The following MAPRE2 variants were observed in gnomAD, a reference collection of about 807,000 sequenced individuals.
The protein encoded by MAPRE2 is microtubule-associated protein RP/EB family member 2.
MAPRE2 carries 13 observed loss-of-function variants against 43.2 expected under a neutral mutation model. The observed-to-expected ratio is 0.30, with a 90% CI of 0.20 to 0.48. The LOEUF (loss-of-function observed/expected upper bound fraction) is 0.48, where lower values mean the gene tolerates loss of function less well. MAPRE2 is among the 20% of genes least tolerant of loss of function. The probability of loss-of-function intolerance (pLI) is 0.99; values close to 1 mark genes in which losing one functional copy is unlikely to be tolerated. For synonymous variants in MAPRE2, 135 were observed against 148.8 expected (o/e 0.91, Z 0.68); for missense variants, 161 against 400.2 (o/e 0.40, Z 5.10).
At chr18:35,055,284 G>A (rs181548918) in intron 1 of MAPRE2, among the ~76,000 whole-genome samples, 1 of 152,042 alleles carries the variant, frequency 6.6e-6, no homozygotes, top group Non-Finnish European at 1.5e-5. Context: ...GTCTCTTCCC[G>A]CTTCTTTTGG....
At chr18:35,051,993 C>T (rs577067579) in intron 1 of MAPRE2, among the ~76,000 whole-genome samples, 1 of 152,256 alleles carries the variant, frequency 6.6e-6, no homozygotes, top group South Asian at 2.1e-4. Context: ...CAATACTTTG[C>T]ACATAGCAGA....
At chr18:35,031,051 C>T (rs1441673360) in intron 2 of MAPRE2, among the ~76,000 whole-genome samples, 2 of 152,162 alleles carry the variant, frequency 1.3e-5, no homozygotes, top group Non-Finnish European at 2.9e-5. Flanking sequence ...ATTACAACAC[C>T]CTTCCTCTGC....
rs562039880 is a variant in MAPRE2 at position 35,126,972 on chromosome 18, C to G, written c.635C>G (p.Ala212Gly). 2 of 1,614,084 alleles carry G rather than the reference C, an allele frequency of 1.2e-6. No homozygotes were observed. Among genetic ancestry groups the G allele is most frequent in the Non-Finnish European group, 8.5e-7 (1 of 1,179,986 alleles). Residue 212 changes from alanine (A) to glycine (G), a missense_variant, in exon 5 of 7, where the codon GCT becomes GGT. By Grantham distance (60) the Ala-to-Gly change is moderately conservative. Around this residue, in one of 2 missense-constraint regions of MAPRE2, gnomAD observed 96 missense variants for 153.3 expected, o/e 0.63. Transcript: ENST00000300249. ...GGTGCAGCTAAATCAAGTCCAGCAGCTAAACCAGGATCCACACCTTCTCGA... is the reference window on the plus strand; with the variant it reads ...GGTGCAGCTAAATCAAGTCCAGCAGGTAAACCAGGATCCACACCTTCTCGA... The part of the protein sequence containing the change: ...TAGAAKSSPA[A>G]KPGSTPSRPS...
chr18:35,115,067 C>T (rs1373691271), intron 4 of MAPRE2, among the ~76,000 whole-genome samples: 2 of 152,150 alleles, frequency 1.3e-5, no homozygotes, highest in East Asian at 3.8e-4. Context: ...ACAGCTTTGA[C>T]TTGTAGAATT....
intron 2 of MAPRE2, among the ~76,000 whole-genome samples, chr18:35,010,087 T>G (rs1027744281): frequency 6.6e-6 from 1 of 152,206 alleles, no homozygotes; most frequent in Non-Finnish European, 1.5e-5. Context: ...AATTTACAAT[T>G]TTTAATTAAA....
At chr18:35,076,640 G>T (rs1308564063) in intron 2 of MAPRE2, among the ~76,000 whole-genome samples, 1 of 152,122 alleles carries the variant, frequency 6.6e-6, no homozygotes, top group African/African-American at 2.4e-5. Context: ...TGCTTTAGTG[G>T]GTACAGCCCT....
chr18:35,096,987 A>G (rs1167713245), intron 2 of MAPRE2, among the ~76,000 whole-genome samples: 1 of 152,212 alleles, frequency 6.6e-6, no homozygotes, highest in African/African-American at 2.4e-5. Flanking sequence ...TGAGCTACAC[A>G]TTTCATGAGA....
Position 35,122,989 on chromosome 18 carries a change from G to C in MAPRE2, c.611-3959G>C, listed in dbSNP as rs375759560. On this transcript the variant is annotated intron_variant, in intron 4 of 6. Transcript: ENST00000300249. The stretch of plus-strand genomic sequence containing the variant: ...CCAAGTGGCTGTGTGTGGCTAGAAG[G>C]GGGAGAGCATCAGTAACTGCAGCAG... Among the ~76,000 whole-genome samples the C allele has an allele frequency of 6.6e-5, 10 of 152,350 alleles. No homozygotes were observed. The East Asian group carries it at 1.7e-3, about 26-fold the overall frequency.
chr18:35,014,439 T>C (rs2097036867), intron 2 of MAPRE2, among the ~76,000 whole-genome samples: 1 of 151,484 alleles, frequency 6.6e-6, no homozygotes, highest in Non-Finnish European at 1.5e-5. Flanking sequence ...ATAAGGCATA[T>C]ATACCTGGCA....
At chr18:35,023,328 C>G (rs1229562259) in intron 2 of MAPRE2, among the ~76,000 whole-genome samples, 1 of 151,766 alleles carries the variant, frequency 6.6e-6, no homozygotes, top group East Asian at 1.9e-4. Flanking sequence ...CTGGTGAACA[C>G]TGTGAAACCC....
chr18:35,122,168 A>AT (rs1457606114), intron 4 of MAPRE2, among the ~76,000 whole-genome samples: 1 of 152,224 alleles, frequency 6.6e-6, no homozygotes, highest in Non-Finnish European at 1.5e-5. Flanking sequence ...AAAAGGTTTC[A>AT]TTTTTATTTT....
At chr18:35,000,795 G>A (rs918693120) in intron 1 of MAPRE2, among the ~76,000 whole-genome samples, 3 of 152,162 alleles carry the variant, frequency 2.0e-5, no homozygotes, top group Non-Finnish European at 2.9e-5. Context: ...ATAAAAGTCA[G>A]TATGATCTTT....
chr18:35,102,995 G>A (rs1189073190), intron 4 of MAPRE2, among the ~76,000 whole-genome samples: 1 of 152,134 alleles, frequency 6.6e-6, no homozygotes, highest in East Asian at 1.9e-4. Flanking sequence ...ACTACAATCT[G>A]AATGAAGTAG....
intron 1 of MAPRE2, among the ~76,000 whole-genome samples, chr18:34,980,777 A>G (rs1336108338): frequency 6.6e-6 from 1 of 152,064 alleles, no homozygotes; most frequent in East Asian, 1.9e-4. Context: ...ACAAAATTTC[A>G]CTCTCTACCC....
chr18:34,985,277 A>ATTGT (rs1210129742), intron 1 of MAPRE2, among the ~76,000 whole-genome samples: 1 of 41,182 alleles, frequency 2.4e-5, no homozygotes, highest in Non-Finnish European at 3.9e-5. Flanking sequence ...TATATAATAT[A>ATTGT]ATATATTATA....
intron 1 of MAPRE2, among the ~76,000 whole-genome samples, chr18:35,054,862 A>AAAAATC (rs1906135062): frequency 6.6e-6 from 1 of 152,176 alleles, no homozygotes; most frequent in South Asian, 2.1e-4. Flanking sequence ...GGCAGAGATG[A>AAAAATC]TTTGGTCATA....
Position 35,141,050 on chromosome 18 carries a change from C to T in MAPRE2, c.*681C>T, listed in dbSNP as rs1910611566. On this transcript the variant is annotated 3_prime_UTR_variant, in exon 7 of 7. Coordinates refer to ENST00000300249, the MANE Select transcript of MAPRE2 (RefSeq NM_014268.4). ...ACAGTATGTTGTTAGTTTTGAAAGA[C>T]ATTCACTCAAGGAAAACACCATCTC... 6.6e-6 allele frequency: 1 copy of T among 152,242 alleles called. No homozygotes were observed. The highest frequency in any genetic ancestry group is 2.4e-5 in the African/African-American group (1 of 41,438). 9.4% of individuals were successfully genotyped at this position (152,242 alleles called of 1,614,324 possible).
chr18:35,123,712 A>G (rs1277046453), intron 4 of MAPRE2, among the ~76,000 whole-genome samples: 1 of 152,200 alleles, frequency 6.6e-6, no homozygotes, highest in East Asian at 1.9e-4. Flanking sequence ...TGTGACTTTG[A>G]CATTGGCATC....
intron 4 of MAPRE2, among the ~76,000 whole-genome samples, chr18:35,105,829 A>G (rs1908879414): frequency 6.6e-6 from 1 of 152,004 alleles, no homozygotes; most frequent in Non-Finnish European, 1.5e-5. Context: ...TACAAAATCA[A>G]ATCGTTCCAT....
Sources: allele counts gnomAD v4.1 joint callset (sites outside exome capture counted in the v4.1 genomes callset), GRCh38; gene constraint gnomAD v4.1.1; regional missense constraint gnomAD v4.1.1; transcripts MANE v1.5; gene names NCBI Gene and HGNC (gene_info 2026-07-23, HGNC 2026-07-21).